ZNF92: variants seen among roughly 807,000 people sequenced by gnomAD.
ZNF92 encodes epididymis luminal protein 203.
Under a neutral mutation model 12.4 loss-of-function variants are expected in ZNF92, and 11 were observed. The ratio of observed to expected loss-of-function variants is 0.89; its 90% CI spans 0.56 to 1.47. The LOEUF (loss-of-function observed/expected upper bound fraction) is 1.47, where lower values mean the gene tolerates loss of function less well. ZNF92 is among the 40% of genes most tolerant of loss of function. The pLI is 0.00. For missense variants in ZNF92, 622 were observed against 681.0 expected, an observed-to-expected ratio of 0.91 and a Z score of 0.96; for synonymous variants, 206 against 228.6, an observed-to-expected ratio of 0.90 and a Z score of 0.89.
chr7:65,395,613 T>C (rs1397363430), intron 3 of ZNF92, among the ~76,000 whole-genome samples: 1 of 152,116 alleles, frequency 6.6e-6, no homozygotes, highest in South Asian at 2.1e-4. Context: ...GGCACTATCC[T>C]CTTGGTAATC....
intron 1 of ZNF92, among the ~76,000 whole-genome samples, chr7:65,378,231 G>A (rs1218689867): frequency 6.6e-6 from 1 of 151,480 alleles, no homozygotes. Flanking sequence ...CTGGGAGATG[G>A]AGGTTGCAGT....
chr7:65,399,438 AAACAT>A lies in ZNF92; in HGVS notation c.1327_1331del (p.His443GlufsTer7), dbSNP rs1793949149. 2 of 1,613,482 alleles carry A rather than the reference AAACAT, an allele frequency of 1.2e-6. No homozygotes were observed. Among genetic ancestry groups the A allele is most frequent in the Non-Finnish European group, 1.7e-6 (2 of 1,179,792 alleles). On this transcript the variant is annotated frameshift_variant, in exon 4 of 4. Transcript: ENST00000328747. LOFTEE classifies it low-confidence loss of function (END_TRUNC). Reference sequence around the variant, plus strand: ...CTTTAGCTGGTCCTCAGCTTTTACTAAACATAAGAGAAATCATATGGAAGATAAAC... The same window carrying A: ...CTTTAGCTGGTCCTCAGCTTTTACTAAAGAGAAATCATATGGAAGATAAAC...
chr7:65,387,934 A>G lies in ZNF92; in HGVS notation c.36A>G (p.Glu12=). 6.2e-7 allele frequency: 1 copy of G among 1,607,712 alleles called. No homozygotes were observed. The highest frequency in any genetic ancestry group is 1.7e-4 in the Middle Eastern group (1 of 6,030). The stretch of plus-strand genomic sequence containing the variant: ...TGACATTTAGGGATGTGAAAATAGA[A>G]TTCTCTCTAGAGGAATGGCAATGCC... ...GPLTFRDVKI[E]FSLEEWQCLD... is the part of the protein sequence containing the mutation. Residue 12 remains glutamate (E), a synonymous_variant, in exon 2 of 4, where the codon GAA becomes GAG. Transcript: ENST00000328747.
chr7:65,384,493 C>T (rs951253697), intron 1 of ZNF92, among the ~76,000 whole-genome samples: 10 of 151,988 alleles, frequency 6.6e-5, no homozygotes, highest in Admixed American at 6.6e-5. Flanking sequence ...AATCTAAAAG[C>T]AGATAAATGG....
intron 1 of ZNF92, among the ~76,000 whole-genome samples, chr7:65,382,425 C>T (rs866571780): frequency 6.6e-6 from 1 of 151,962 alleles, no homozygotes; most frequent in Non-Finnish European, 1.5e-5. Context: ...TCTAGATGGG[C>T]CTTTTTGTCT....
At chr7:65,374,150 C>G (rs1244365592) in intron 1 of ZNF92, 150 bp downstream of exon 1, 1 of 1,128,910 alleles carries the variant, frequency 8.9e-7, no homozygotes, top group Admixed American at 2.3e-5. Context: ...CCTCAGTCTC[C>G]TTCAGCCATA....
Position 65,399,622 on chromosome 7 carries a change from A to G in ZNF92, c.1508A>G (p.His503Arg), listed in dbSNP as rs750368212. 1 of 1,613,808 alleles carries G rather than the reference A, an allele frequency of 6.2e-7. No homozygotes were observed. Residue 503 changes from histidine (H) to arginine (R), a missense_variant, in exon 4 of 4, where the codon CAC (histidine) becomes CGC (arginine). Coordinates refer to ENST00000328747, the MANE Select transcript of ZNF92 (RefSeq NM_152626.4). ...ATTTTTACTAAACATAAGATAATTC[A>G]CACTGAAGGGAAATCCTACAAATGT... The part of the protein sequence containing the change: ...SSIFTKHKII[H>R]TEGKSYKCEK...
At chr7:65,374,333 G>C (rs1562786594) in intron 1 of ZNF92, among the ~76,000 whole-genome samples, 1 of 152,112 alleles carries the variant, frequency 6.6e-6, no homozygotes, top group African/African-American at 2.4e-5. Context: ...CCTGACTCGG[G>C]GTGCGGGGTT....
chr7:65,389,669 A>C lies in ZNF92; in HGVS notation c.226+768A>C, dbSNP rs1793660846. On this transcript the variant is annotated intron_variant, in intron 3 of 3. Coordinates refer to ENST00000328747, the MANE Select transcript of ZNF92 (RefSeq NM_152626.4). ...GTAGCTGGGACTATAGGCATGCACC[A>C]CCACGTCCAGCTAATTTTTGTATTT... Among the ~76,000 whole-genome samples, 3 of 151,796 alleles carry C rather than the reference A, an allele frequency of 2.0e-5. No individual in the cohort carries two copies. In the South Asian group the frequency reaches 6.3e-4, roughly 32 times the overall value.
chr7:65,374,328 C>T lies in ZNF92; in HGVS notation c.3+328C>T, dbSNP rs141387549. ...AGAATAGTAAAGAGAAGAATCCTGA[C>T]TCGGGGTGCGGGGTTTATGAATGGG... is the stretch of plus-strand genomic sequence containing the variant. On this transcript the variant is annotated intron_variant, in intron 1 of 3. Coordinates refer to ENST00000328747, the MANE Select transcript of ZNF92 (RefSeq NM_152626.4). Among the ~76,000 whole-genome samples the T allele has an allele frequency of 1.9e-3, 289 of 152,266 alleles. 3 individuals are homozygous for T. The highest frequency in any genetic ancestry group is 6.6e-3 in the African/African-American group (275 of 41,546).
intron 1 of ZNF92, among the ~76,000 whole-genome samples, chr7:65,378,696 C>G (rs1343473613): frequency 6.7e-6 from 1 of 150,110 alleles, no homozygotes; most frequent in Admixed American, 6.6e-5. Context: ...GAGCCGAGAT[C>G]GTGCCACTGC....
intron 1 of ZNF92, among the ~76,000 whole-genome samples, chr7:65,375,132 T>G (rs1157754533): frequency 1.3e-5 from 2 of 152,150 alleles, no homozygotes; most frequent in African/African-American, 2.4e-5. Context: ...TGTAAATCTC[T>G]GTGCCTCTTT....
chr7:65,397,616 C>T (rs995983744), intron 3 of ZNF92, among the ~76,000 whole-genome samples: 74 of 152,104 alleles, frequency 4.9e-4, no homozygotes, highest in African/African-American at 1.7e-3. Flanking sequence ...CTGCCTATTA[C>T]AATCTTTATT....
At chr7:65,374,147 C>G (rs996569467) in intron 1 of ZNF92, 147 bp downstream of exon 1, 13 of 1,133,306 alleles carry the variant, frequency 1.1e-5, no homozygotes, top group African/African-American at 1.6e-5. Context: ...GGCCCTCAGT[C>G]TCCTTCAGCC....
chr7:65,396,321 T>G (rs1481430869), intron 3 of ZNF92, among the ~76,000 whole-genome samples: 1 of 152,160 alleles, frequency 6.6e-6, no homozygotes, highest in Non-Finnish European at 1.5e-5. Flanking sequence ...ACTCCTTGAA[T>G]TTTTGTTTAA....
chr7:65,397,918 C>T (rs1793884625), intron 3 of ZNF92, among the ~76,000 whole-genome samples: 1 of 152,086 alleles, frequency 6.6e-6, no homozygotes, highest in African/African-American at 2.4e-5. Context: ...GCATGGGAGA[C>T]AGAAACCAGT....
At position 65,388,888 on chromosome 7, in the gene ZNF92, A is replaced by G. The variant is rs1178953917; in HGVS notation, c.213A>G (p.Val71=). 1.3e-6 allele frequency: 2 copies of G among 1,580,062 alleles called. No homozygotes were observed. Among genetic ancestry groups the G allele is most frequent in the Non-Finnish European group, 1.7e-6 (2 of 1,159,904 alleles). The change falls in exon 3 of 4, where the codon GTA becomes GTG. Residue 71 remains valine, a synonymous_variant. Transcript: ENST00000328747. The part of the protein sequence containing the change: ...EPWNLKRHEM[V]DKTPVMCSHF... The stretch of plus-strand genomic sequence containing the variant: ...GGAATCTGAAGAGACATGAGATGGT[A>G]GACAAAACCCCAGGTAGGTGACAGT...
chr7:65,391,786 C>G (rs17146393), intron 3 of ZNF92, among the ~76,000 whole-genome samples: 16,149 of 151,948 alleles, frequency 0.11, 1,097 homozygotes, highest in South Asian at 0.19. Flanking sequence ...TTATTAGAAT[C>G]TTCTATGTAT....
chr7:65,380,310 G>C (rs988805993), intron 1 of ZNF92, among the ~76,000 whole-genome samples: 1 of 151,994 alleles, frequency 6.6e-6, no homozygotes, highest in Admixed American at 6.6e-5. Context: ...GCCCAGGCTG[G>C]AGTGCAGTGG....
Sources: allele counts gnomAD v4.1 joint callset (sites outside exome capture counted in the v4.1 genomes callset), GRCh38; gene constraint gnomAD v4.1.1; transcripts MANE v1.5; gene names NCBI Gene and HGNC (gene_info 2026-07-23, HGNC 2026-07-21).